The following SYPL2 variants were observed in gnomAD, a reference collection of about 807,000 sequenced individuals.
SYPL2 encodes the protein synaptophysin like 2.
A neutral mutation model predicts 31.3 loss-of-function variants in SYPL2; 24 were observed. The ratio of observed to expected loss-of-function variants is 0.77; its 90% CI spans 0.56 to 1.08. The LOEUF (loss-of-function observed/expected upper bound fraction) is 1.08. SYPL2 is among the 50% of genes least tolerant of loss of function. The pLI is 0.00. For synonymous variants in SYPL2, 144 were observed against 143.1 expected (o/e 1.01, Z -0.05); for missense variants, 342 against 360.1 (o/e 0.95, Z 0.41).
At chr1:109,469,773 G>A (rs1302127941) in intron 2 of SYPL2, among the ~76,000 whole-genome samples, 1 of 139,970 alleles carries the variant, frequency 7.1e-6, no homozygotes, top group African/African-American at 2.7e-5. Context: ...CCAGGAGGTC[G>A]AGGCTGCAAT....
rs1481990040 is a variant in SYPL2, at chr1:109,479,812, C to A, written c.*264C>A. 9 of 498,820 alleles carry A rather than the reference C, an allele frequency of 1.8e-5. No homozygotes were observed. Among genetic ancestry groups the A allele is most frequent in the Non-Finnish European group, 2.5e-5 (7 of 281,850 alleles). The allele number at this position is 498,820 out of a possible 1,614,324, so 30.9% of individuals were successfully genotyped here. On this transcript the variant is annotated 3_prime_UTR_variant, in exon 6 of 6. Coordinates refer to ENST00000369872, the MANE Select transcript of SYPL2 (RefSeq NM_001040709.2). ...TGGACCCAGGTATCTTACTTGGGGT[C>A]TTACTTGTACCCTTACAGTCTCTGA... is the stretch of plus-strand genomic sequence containing the variant.
At chr1:109,474,948 A>G (rs1223544615) in intron 2 of SYPL2, among the ~76,000 whole-genome samples, 1 of 152,242 alleles carries the variant, frequency 6.6e-6, no homozygotes, top group Non-Finnish European at 1.5e-5. Flanking sequence ...CTAGAAGGCC[A>G]TGTGCCTTTT....
chr1:109,479,795 G>A lies in SYPL2; in HGVS notation c.*247G>A. 1 of 548,072 alleles carries A rather than the reference G, an allele frequency of 1.8e-6. No homozygotes were observed. Among genetic ancestry groups the A allele is most frequent in the Non-Finnish European group, 3.2e-6 (1 of 313,990 alleles). 34.0% of individuals were successfully genotyped at this position (548,072 alleles called of 1,614,324 possible). On this transcript the variant is annotated 3_prime_UTR_variant, in exon 6 of 6. Transcript: ENST00000369872. ...GCTTCTTGTGCAGTGCCTGGACCCA[G>A]GTATCTTACTTGGGGTCTTACTTGT...
In SYPL2 at chr1:109,466,867, C is replaced by T; in HGVS notation, c.24C>T (p.Gly8=). The T allele has an allele frequency of 1.3e-6, 2 of 1,529,284 alleles. No homozygotes were observed. Among genetic ancestry groups the T allele is most frequent in the Non-Finnish European group, 1.7e-6 (2 of 1,143,942 alleles). The allele number at this position is 1,529,284 out of a possible 1,614,324, so 94.7% of individuals were successfully genotyped here. The change falls in exon 1 of 6, where the codon GGC becomes GGT. Residue 8 remains glycine, a synonymous_variant. Coordinates refer to ENST00000369872, the MANE Select transcript of SYPL2 (RefSeq NM_001040709.2). ...GCATGTCCTCGACCGAGAGCGCCGG[C>T]CGCACGGCGGACAAGTCGCCGCGCC... MSSTESA[G]RTADKSPRQQ... is the part of the protein sequence containing the mutation.
rs62623713 is a variant in SYPL2, at chr1:109,476,817, A to G, written c.296A>G (p.Glu99Gly). The change falls in exon 4 of 6, where the codon GAG (glutamate) becomes GGG (glycine). Residue 99 changes from glutamate (E) to glycine (G), a missense_variant. Glu to Gly is a moderately conservative substitution (Grantham distance 98, BLOSUM62 -2). Coordinates refer to ENST00000369872, the MANE Select transcript of SYPL2 (RefSeq NM_001040709.2). The stretch of plus-strand genomic sequence containing the variant: ...TATGAGATGCCCCTCTGCGATGAAG[A>G]GTCCAGCTCCAAGACCATGCACCTC... ...IQYEMPLCDE[E>G]SSSKTMHLMG... The G allele has an allele frequency of 0.055, 88,925 of 1,614,138 alleles. 2,873 individuals carry two copies. Among genetic ancestry groups the G allele is most frequent in the Non-Finnish European group, 0.062 (72,597 of 1,180,012 alleles).
chr1:109,470,907 TTTA>T (rs1323206192), intron 2 of SYPL2, among the ~76,000 whole-genome samples: 1 of 152,176 alleles, frequency 6.6e-6, no homozygotes, highest in African/African-American at 2.4e-5. Flanking sequence ...AGTGTTTGTT[TTTA>T]TTATTTTTTG....
In SYPL2 at chr1:109,479,591, T is replaced by A; in HGVS notation, c.*43T>A. The A allele has an allele frequency of 6.3e-7, 1 of 1,588,696 alleles. No homozygotes were observed. The highest frequency in any genetic ancestry group is 8.6e-7 in the Non-Finnish European group (1 of 1,163,706). On this transcript the variant is annotated 3_prime_UTR_variant, in exon 6 of 6. Transcript: ENST00000369872. ...TATTCCCGAACTGGACAGCACCTCT[T>A]CAACCACCTCCGGCTTCCAGGACCT... is the stretch of plus-strand genomic sequence containing the variant.
In SYPL2 at chr1:109,478,198, A is replaced by C; in HGVS notation, c.648+189A>C. 1 of 1,332,028 alleles carries C rather than the reference A, an allele frequency of 7.5e-7. No homozygotes were observed. The highest frequency in any genetic ancestry group is 9.9e-7 in the Non-Finnish European group (1 of 1,007,498). The allele number at this position is 1,332,028 out of a possible 1,614,324, so 82.5% of individuals were successfully genotyped here. ...GACCCTGAGAGGACATTTTGGGATG[A>C]GGGGAACCCAAAAGCCACTTAGCCT... On this transcript the variant is annotated intron_variant, in intron 5 of 5. Coordinates refer to ENST00000369872, the MANE Select transcript of SYPL2 (RefSeq NM_001040709.2). This position sits in a 1 kb window ranked among gnomAD's most constrained non-coding sequence, Gnocchi z 4.0.
At chr1:109,476,673 G>C in intron 3 of SYPL2, 103 bp from the exon 4 acceptor site, 3 of 1,206,682 alleles carry the variant, frequency 2.5e-6, no homozygotes, top group Non-Finnish European at 3.5e-6. Flanking sequence ...CCCCTTTCTT[G>C]GCTCTGTAAG....
chr1:109,472,456 T>C (rs1437432939), intron 2 of SYPL2, among the ~76,000 whole-genome samples: 1 of 152,066 alleles, frequency 6.6e-6, no homozygotes, highest in East Asian at 1.9e-4. Context: ...TAGTAGGCAC[T>C]GTACATGCTA....
At chr1:109,473,462 G>T (rs1422766396) in intron 2 of SYPL2, among the ~76,000 whole-genome samples, 1 of 152,260 alleles carries the variant, frequency 6.6e-6, no homozygotes, top group African/African-American at 2.4e-5. Context: ...GCCGGGGGCA[G>T]TGGCACTGGA....
intron 2 of SYPL2, among the ~76,000 whole-genome samples, chr1:109,472,636 G>T (rs1655869588): frequency 1.4e-5 from 2 of 141,786 alleles, no homozygotes; most frequent in African/African-American, 5.2e-5. Context: ...TTTGAGATGG[G>T]GGTCTTGTTC....
intron 3 of SYPL2, among the ~76,000 whole-genome samples, chr1:109,476,099 A>G (rs1241281329): frequency 6.6e-6 from 1 of 152,136 alleles, no homozygotes; most frequent in Non-Finnish European, 1.5e-5. Flanking sequence ...CTTACATCCT[A>G]AAGAGTTGAT....
chr1:109,477,548 GTT>G (rs1157388547), intron 4 of SYPL2, among the ~76,000 whole-genome samples: 2 of 152,236 alleles, frequency 1.3e-5, no homozygotes, highest in South Asian at 4.1e-4. Flanking sequence ...GGATGAGTGG[GTT>G]TTGGGGTGAG....
chr1:109,475,372 G>A (rs1655962914), intron 2 of SYPL2: 1 of 593,432 alleles, frequency 1.7e-6, no homozygotes, highest in South Asian at 2.3e-5. Context: ...AGTCAACCTT[G>A]TATTCATTTG....
intron 4 of SYPL2, among the ~76,000 whole-genome samples, chr1:109,477,451 G>A (rs1055096145): frequency 6.6e-6 from 1 of 152,110 alleles, no homozygotes; most frequent in African/African-American, 2.4e-5. Flanking sequence ...GACCCCATTT[G>A]CGTCCTGCAG....
Position 109,477,993 on chromosome 1 carries a change from T to C in SYPL2, c.632T>C (p.Leu211Pro), listed in dbSNP as rs775486761. 22 of 1,614,060 alleles carry C rather than the reference T, an allele frequency of 1.4e-5. No individual in the cohort carries two copies. Among genetic ancestry groups the C allele is most frequent in the Non-Finnish European group, 1.7e-5 (20 of 1,180,038 alleles). The change falls in exon 5 of 6, where the codon CTG becomes CCG. Residue 211 changes from leucine to proline, a missense_variant. Coordinates refer to ENST00000369872, the MANE Select transcript of SYPL2 (RefSeq NM_001040709.2). Reference sequence around the variant, plus strand: ...GCCGGGGCCACGCCCTCTATGGGCCTGGCCAACATCTCCGTGGTGAGACCT... The same window carrying C: ...GCCGGGGCCACGCCCTCTATGGGCCCGGCCAACATCTCCGTGGTGAGACCT... ...CSAGATPSMG[L>P]ANISVLFGFI...
In SYPL2 at chr1:109,466,688, C is replaced by A. The variant is rs989668111; in HGVS notation, c.-156C>A. On this transcript the variant is annotated 5_prime_UTR_variant, in exon 1 of 6. Coordinates refer to ENST00000369872, the MANE Select transcript of SYPL2 (RefSeq NM_001040709.2). ...CCCCGCGTCCCAGCCAGCCAGCCAGCCAGACTGGACTCCGGCCCACCGACG... is the reference window on the plus strand; with the variant it reads ...CCCCGCGTCCCAGCCAGCCAGCCAGACAGACTGGACTCCGGCCCACCGACG... The A allele has an allele frequency of 7.1e-6, 5 of 705,602 alleles. No homozygotes were observed. Among genetic ancestry groups the A allele is most frequent in the African/African-American group, 1.9e-5 (1 of 52,856 alleles). The allele number at this position is 705,602 out of a possible 1,614,324, so 43.7% of individuals were successfully genotyped here.
intron 4 of SYPL2, among the ~76,000 whole-genome samples, chr1:109,477,422 C>T (rs528116189): frequency 2.0e-5 from 3 of 152,246 alleles, no homozygotes; most frequent in Admixed American, 6.5e-5. Context: ...GCATGCAAGG[C>T]GGAAGGGGTG....
Sources: allele counts gnomAD v4.1 joint callset (sites outside exome capture counted in the v4.1 genomes callset), GRCh38; gene constraint gnomAD v4.1.1; non-coding constraint Gnocchi (gnomAD v3.1); transcripts MANE v1.5; gene names NCBI Gene and HGNC (gene_info 2026-07-23, HGNC 2026-07-21).